The following UNC13C variants were observed in gnomAD, a reference collection of about 807,000 sequenced individuals.
UNC13C encodes protein unc-13 homolog C.
UNC13C carries 174 observed loss-of-function variants against 245.4 expected under a neutral mutation model. That is an observed-to-expected ratio of 0.71 (90% CI 0.63 to 0.80). The LOEUF (loss-of-function observed/expected upper bound fraction) is 0.80, where lower values mean the gene tolerates loss of function less well. Among genes scored for constraint, UNC13C ranks in the 30% least tolerant of loss-of-function variants. The pLI, the probability that UNC13C is intolerant of heterozygous loss-of-function variation, is 0.00. For synonymous variants in UNC13C, 992 were observed against 895.1 expected, an observed-to-expected ratio of 1.11 and a Z score of -1.93; for missense variants, 2,829 against 2,602.9, an observed-to-expected ratio of 1.09 and a Z score of -1.89.
chr15:53,949,090 T>C, the UNC13C span, among the ~76,000 whole-genome samples: 2 of 152,136 alleles, frequency 1.3e-5, no homozygotes, highest in Non-Finnish European at 2.9e-5. Context: ...GTACAGAAAA[T>C]AGATAAGCAA....
In UNC13C at chr15:54,499,947, G is replaced by A. The variant is rs574424082; in HGVS notation, c.5061-132G>A. On this transcript the variant is annotated intron_variant, in intron 20 of 32. Transcript: ENST00000260323. ...AGAACAGGTAAAGGTCTCTGAGGAA[G>A]CAAAACTGCAAGAGAGAATGAAAGG... 2.5e-5 allele frequency: 17 copies of A among 686,692 alleles called. No individual in the cohort carries two copies. In the Admixed American group the frequency reaches 5.4e-4, roughly 22 times the overall value. 42.5% of individuals were successfully genotyped at this position (686,692 alleles called of 1,614,324 possible).
chr15:53,887,181 AAGG>A, the UNC13C span, among the ~76,000 whole-genome samples: 1 of 152,202 alleles, frequency 6.6e-6, no homozygotes, highest in African/African-American at 2.4e-5. Context: ...TTGTGTGTGG[AAGG>A]AGAAGGGTTA....
intron 19 of UNC13C, among the ~76,000 whole-genome samples, chr15:54,441,424 T>C (rs969825453): frequency 6.6e-6 from 1 of 151,980 alleles, no homozygotes; most frequent in Non-Finnish European, 1.5e-5. Context: ...ATTTAAGAAG[T>C]TATTCTTTTC....
intron 17 of UNC13C, among the ~76,000 whole-genome samples, chr15:54,361,121 TG>T (rs1266411940): frequency 1.1e-4 from 16 of 152,274 alleles, no homozygotes; most frequent in Non-Finnish European, 2.4e-4. Flanking sequence ...CACTTGATGG[TG>T]GCTCATAATT....
At chr15:54,269,673 G>A (rs2036635603) in intron 10 of UNC13C, among the ~76,000 whole-genome samples, 1 of 152,028 alleles carries the variant, frequency 6.6e-6, no homozygotes, top group Non-Finnish European at 1.5e-5. Flanking sequence ...CACCAGACTG[G>A]CTAAAATGCA....
At chr15:54,206,104 T>G (rs2034700100) in intron 4 of UNC13C, among the ~76,000 whole-genome samples, 1 of 152,066 alleles carries the variant, frequency 6.6e-6, no homozygotes, top group Non-Finnish European at 1.5e-5. Context: ...TTGTAGTAAA[T>G]ATTTAATCCT....
chr15:54,061,798 A>T (rs1438948538), intron 2 of UNC13C, among the ~76,000 whole-genome samples: 1 of 152,202 alleles, frequency 6.6e-6, no homozygotes, highest in Non-Finnish European at 1.5e-5. Context: ...GAAAGAATTA[A>T]GGAGAAAAGA....
chr15:53,849,142 T>C, the UNC13C span, among the ~76,000 whole-genome samples: 1 of 151,922 alleles, frequency 6.6e-6, no homozygotes, highest in African/African-American at 2.4e-5. Flanking sequence ...TAGTTGAATC[T>C]TGTCTTTTCA....
intron 19 of UNC13C, among the ~76,000 whole-genome samples, chr15:54,434,406 G>C (rs2040937316): frequency 6.6e-6 from 1 of 152,022 alleles, no homozygotes; most frequent in South Asian, 2.1e-4. Context: ...CAATGGAACA[G>C]AACAGAGACC....
At chr15:53,875,059 C>T in the UNC13C span, among the ~76,000 whole-genome samples, 1 of 152,048 alleles carries the variant, frequency 6.6e-6, no homozygotes, top group African/African-American at 2.4e-5. Flanking sequence ...TGCCACTGCA[C>T]TCCAGCCTGG....
intron 26 of UNC13C, among the ~76,000 whole-genome samples, chr15:54,546,260 G>T (rs1466913428): frequency 6.6e-6 from 1 of 152,138 alleles, no homozygotes; most frequent in Non-Finnish European, 1.5e-5. Context: ...ATAAGTGGGA[G>T]TTGAACAATG....
chr15:53,965,554 ATTTATTTATTTAT>A, the UNC13C span, among the ~76,000 whole-genome samples: 7,040 of 145,060 alleles, frequency 0.049, 265 homozygotes, highest in African/African-American at 0.11. Flanking sequence ...TTATTTATTT[ATTTATTTATTTAT>A]TTATTATTAT....
chr15:54,013,180 A>G lies in UNC13C; in HGVS notation c.277A>G (p.Ser93Gly). 6.2e-7 allele frequency: 1 copy of G among 1,613,840 alleles called. No homozygotes were observed. Among genetic ancestry groups the G allele is most frequent in the Non-Finnish European group, 8.5e-7 (1 of 1,179,856 alleles). Residue 93 changes from serine to glycine, a missense_variant, in exon 2 of 33, where the codon AGT becomes GGT. By Grantham distance (56) the Ser-to-Gly change is moderately conservative. Transcript: ENST00000260323. ...AGAGTTTTCCCTCTCACCAACATTC[A>G]GTTACCGAGTAGCTATTGCCAATGG... is the stretch of plus-strand genomic sequence containing the variant. Reference protein sequence around the residue: ...SKEFSLSPTFSYRVAIANGLQ... With the variant: ...SKEFSLSPTFGYRVAIANGLQ...
chr15:54,476,482 T>G (rs1001411998), intron 19 of UNC13C, among the ~76,000 whole-genome samples: 81 of 123,708 alleles, frequency 6.5e-4, no homozygotes, highest in African/African-American at 2.4e-3. Context: ...AATTAATTTT[T>G]GTATAAGGTG....
intron 19 of UNC13C, among the ~76,000 whole-genome samples, chr15:54,475,215 G>A (rs1273694013): frequency 2.6e-5 from 4 of 151,586 alleles, no homozygotes; most frequent in African/African-American, 9.7e-5. Flanking sequence ...TGTAGTGTCA[G>A]GTCTGATAGT....
chr15:53,964,208 C>G, the UNC13C span, among the ~76,000 whole-genome samples: 1 of 152,214 alleles, frequency 6.6e-6, no homozygotes, highest in South Asian at 2.1e-4. Context: ...CCTTTTCATT[C>G]TAAATGGTGT....
intron 4 of UNC13C, among the ~76,000 whole-genome samples, chr15:54,164,361 G>T (rs2141272347): frequency 6.6e-6 from 1 of 152,228 alleles, no homozygotes; most frequent in South Asian, 2.1e-4. Flanking sequence ...GTAATAAATT[G>T]TATATAACGT....
At chr15:54,594,047 C>T (rs1232671731) in intron 30 of UNC13C, among the ~76,000 whole-genome samples, 4 of 152,166 alleles carry the variant, frequency 2.6e-5, no homozygotes, top group Non-Finnish European at 4.4e-5. Flanking sequence ...CCCCATTTTC[C>T]TGTGGATGTG....
intron 4 of UNC13C, among the ~76,000 whole-genome samples, chr15:54,203,418 T>A (rs1416980333): frequency 6.7e-6 from 1 of 149,642 alleles, no homozygotes; most frequent in Admixed American, 6.7e-5. Context: ...AAATATAGAA[T>A]CAGTCCAAAT....
Sources: gnomAD v4.1 joint callset for allele counts (sites outside exome capture counted in the v4.1 genomes callset) on GRCh38, gnomAD v4.1.1 for gene constraint, MANE v1.5 for transcripts, NCBI Gene and HGNC (gene_info 2026-07-23, HGNC 2026-07-21) for gene names.